DPY19L2: variants seen among roughly 807,000 people sequenced by gnomAD.
DPY19L2 encodes dpy-19 like 2, also known as probable C-mannosyltransferase DPY19L2.
DPY19L2 carries 34 observed loss-of-function variants against 97.9 expected under a neutral mutation model. The ratio of observed to expected loss-of-function variants is 0.35; its 90% CI spans 0.26 to 0.46. DPY19L2 has a LOEUF of 0.46. Among genes scored for constraint, DPY19L2 ranks in the 20% least tolerant of loss-of-function variants. DPY19L2 has a pLI of 1.00. For synonymous variants in DPY19L2, 230 were observed against 307.9 expected (o/e 0.75, Z 2.65); for missense variants, 623 against 911.4 (o/e 0.68, Z 4.07).
intron 11 of DPY19L2, among the ~76,000 whole-genome samples, chr12:63,608,955 T>C (rs1886505329): frequency 6.6e-6 from 1 of 152,048 alleles, no homozygotes; most frequent in Non-Finnish European, 1.5e-5. Flanking sequence ...CAAAGATAAA[T>C]GGTATGTGAG....
chr12:63,652,938 G>GAAGAAA (rs1300895216), intron 4 of DPY19L2, among the ~76,000 whole-genome samples: 1 of 151,994 alleles, frequency 6.6e-6, no homozygotes, highest in Non-Finnish European at 1.5e-5. Flanking sequence ...GAAGTTGGAA[G>GAAGAAA]AAGAAAAAGT....
rs1326220033 is a variant in DPY19L2, at chr12:63,619,516, CT to C, written c.1054-1289del. Among the ~76,000 whole-genome samples, 1,013 of 144,944 alleles carry C rather than the reference CT, an allele frequency of 7.0e-3. 4 individuals are homozygous for C. The highest frequency in any genetic ancestry group is 8.5e-3 in the Admixed American group (122 of 14,428). On this transcript the variant is annotated intron_variant, in intron 9 of 21. Coordinates refer to ENST00000324472, the MANE Select transcript of DPY19L2 (RefSeq NM_173812.5). ...AAACATTAACAGCAATATCAAACTT[CT>C]TTTTTTTTTTTTGAAACTGAGTCTC...
chr12:63,661,579 A>AC, intron 3 of DPY19L2, 98 bp from the exon 4 acceptor site: 1 of 1,011,842 alleles, frequency 9.9e-7, no homozygotes, highest in Non-Finnish European at 1.4e-6. Flanking sequence ...AAAAAAAAAA[A>AC]GGTTAATAAT....
In DPY19L2 at chr12:63,647,037, C is replaced by T. The variant is rs187602332; in HGVS notation, c.709+208G>A. 1.9e-4 allele frequency among the ~76,000 whole-genome samples: 29 copies of T among 152,168 alleles called. No individual in the cohort carries two copies. In the East Asian group the frequency reaches 3.7e-3, roughly 19 times the overall value. ...TGCCTTACAATGGGATATGTTAATA[C>T]TCAAATTCCAAAATTTATACTCAAA... On this transcript the variant is annotated intron_variant, in intron 5 of 21. Transcript: ENST00000324472.
chr12:63,621,449 T>C (rs1888677375), intron 8 of DPY19L2, 112 bp from the exon 9 acceptor site: 2 of 707,940 alleles, frequency 2.8e-6, no homozygotes, highest in South Asian at 1.7e-5. Flanking sequence ...ACCTTTACTA[T>C]AATACAACAA....
At chr12:63,634,793 CA>C (rs1165044585) in intron 6 of DPY19L2, among the ~76,000 whole-genome samples, 5 of 152,148 alleles carry the variant, frequency 3.3e-5, no homozygotes, top group African/African-American at 1.2e-4. Context: ...GAAGCTCGAA[CA>C]GGGTGGAGCC....
chr12:63,571,845 T>TA (rs1565699209), intron 19 of DPY19L2, among the ~76,000 whole-genome samples: 1 of 152,116 alleles, frequency 6.6e-6, no homozygotes, highest in Admixed American at 6.5e-5. Flanking sequence ...TACTTTTGTA[T>TA]AAAAAACAAT....
At chr12:63,627,555 G>A (rs1174586626) in intron 6 of DPY19L2, among the ~76,000 whole-genome samples, 1 of 152,016 alleles carries the variant, frequency 6.6e-6, no homozygotes, top group Non-Finnish European at 1.5e-5. Context: ...TCACCATGTT[G>A]GCCAGGCTGG....
chr12:63,572,404 T>C (rs1297858356), intron 19 of DPY19L2, among the ~76,000 whole-genome samples: 1 of 151,984 alleles, frequency 6.6e-6, no homozygotes, highest in Non-Finnish European at 1.5e-5. Context: ...TCAGCTGCAG[T>C]AGGATAGAGC....
chr12:63,622,300 C>G (rs1339857459), intron 8 of DPY19L2, among the ~76,000 whole-genome samples: 1 of 152,060 alleles, frequency 6.6e-6, no homozygotes, highest in Non-Finnish European at 1.5e-5. Context: ...AGGAATTAAA[C>G]TGGGAATGAA....
chr12:63,659,721 G>A (rs1348992046), intron 4 of DPY19L2, among the ~76,000 whole-genome samples: 1 of 152,034 alleles, frequency 6.6e-6, no homozygotes, highest in Admixed American at 6.5e-5. Flanking sequence ...TGGGGGAAAA[G>A]ACAGTTACCA....
At position 63,593,751 on chromosome 12, in the gene DPY19L2, T is replaced by C. The variant is rs370338224; in HGVS notation, c.1580+336A>G. On this transcript the variant is annotated intron_variant, in intron 16 of 21. Coordinates refer to ENST00000324472, the MANE Select transcript of DPY19L2 (RefSeq NM_173812.5). ...CACATGTATACATATGTAACTAACC[T>C]GCACATTGTGCACATGTACCCTAAA... Among the ~76,000 whole-genome samples the C allele has an allele frequency of 2.3e-4, 35 of 152,104 alleles. No homozygotes were observed. In the East Asian group the frequency reaches 6.0e-3, roughly 26 times the overall value.
chr12:63,597,778 T>A, intron 14 of DPY19L2, 31 bp downstream of exon 14: 1 of 1,579,124 alleles, frequency 6.3e-7, no homozygotes, highest in Non-Finnish European at 8.7e-7. Context: ...AAACTCATAT[T>A]AGTAGAGAAG....
intron 12 of DPY19L2, among the ~76,000 whole-genome samples, chr12:63,608,321 GACAA>G (rs1886396479): frequency 6.6e-6 from 1 of 152,092 alleles, no homozygotes; most frequent in Non-Finnish European, 1.5e-5. Context: ...AGAAACTCAA[GACAA>G]ACAAATTTTA....
intron 6 of DPY19L2, among the ~76,000 whole-genome samples, chr12:63,627,841 T>C (rs1380865509): frequency 1.3e-5 from 2 of 152,066 alleles, no homozygotes; most frequent in African/African-American, 4.8e-5. Context: ...CATTACTATA[T>C]CCCCAGCTTC....
chr12:63,607,065 ATT>A (rs1886160112), intron 12 of DPY19L2, among the ~76,000 whole-genome samples: 2 of 152,192 alleles, frequency 1.3e-5, no homozygotes, highest in African/African-American at 4.8e-5. Context: ...TAAGCTGAAC[ATT>A]TGGTTAAATC....
intron 1 of DPY19L2, among the ~76,000 whole-genome samples, 153 bp downstream of exon 1, chr12:63,667,904 T>C (rs1212204141): frequency 6.6e-6 from 1 of 152,154 alleles, no homozygotes; most frequent in Admixed American, 6.5e-5. Flanking sequence ...CCTGGTTCAA[T>C]GACAAGATCT....
At chr12:63,622,095 TATC>T (rs1197704228) in intron 8 of DPY19L2, among the ~76,000 whole-genome samples, 5 of 152,214 alleles carry the variant, frequency 3.3e-5, no homozygotes, top group East Asian at 1.9e-4. Context: ...TTACTAATAT[TATC>T]ATAAAATACT....
chr12:63,633,867 G>A (rs549486472), intron 6 of DPY19L2, among the ~76,000 whole-genome samples: 10 of 152,244 alleles, frequency 6.6e-5, no homozygotes, highest in African/African-American at 2.2e-4. Context: ...TATACACCAT[G>A]GAATACTATG....
Sources: gnomAD v4.1 joint callset for allele counts (sites outside exome capture counted in the v4.1 genomes callset) on GRCh38, gnomAD v4.1.1 for gene constraint, MANE v1.5 for transcripts, NCBI Gene and HGNC (gene_info 2026-07-23, HGNC 2026-07-21) for gene names.